Variants in HTR2C observed in about 807,000 individuals in gnomAD.
HTR2C encodes the protein 5-hydroxytryptamine (serotonin) receptor 2C, G protein-coupled.
HTR2C carries 5 observed loss-of-function variants against 21.0 expected under a neutral mutation model. The observed-to-expected ratio is 0.24, with a 90% CI of 0.12 to 0.50. The LOEUF is 0.50. Ranked by LOEUF, HTR2C falls within the 20% of genes least tolerant of loss-of-function variation. HTR2C has a pLI of 0.98. For synonymous variants in HTR2C, 150 were observed against 145.3 expected, an observed-to-expected ratio of 1.03 and a Z score of -0.23; for missense variants, 271 against 371.2, an observed-to-expected ratio of 0.73 and a Z score of 2.22.
intron 2 of HTR2C, among the ~76,000 whole-genome samples, chrX:114,614,951 A>AT (rs1458118789): frequency 8.9e-6 from 1 of 112,252 alleles, no homozygotes; most frequent in African/African-American, 3.2e-5. Context: ...ATACCACAAA[A>AT]TGTTTTTAGA....
chrX:114,772,904 C>T (rs1385078594), intron 4 of HTR2C, among the ~76,000 whole-genome samples: 2 of 111,492 alleles, frequency 1.8e-5, no homozygotes, highest in African/African-American at 3.3e-5. Flanking sequence ...GTTAAAACTA[C>T]GGGATGGTAG....
intron 1 of HTR2C, among the ~76,000 whole-genome samples, chrX:114,585,432 GAA>G (rs1301752221): frequency 9.0e-6 from 1 of 111,188 alleles, no homozygotes; most frequent in Non-Finnish European, 1.9e-5. Context: ...AAAGGATTGC[GAA>G]AAAGTCTCCA....
chrX:114,611,799 G>A (rs936763995), intron 1 of HTR2C, among the ~76,000 whole-genome samples: 20 of 111,627 alleles, frequency 1.8e-4, no homozygotes, highest in African/African-American at 6.2e-4. Flanking sequence ...CCGGGTTCAC[G>A]TCATTCTCCT....
intron 1 of HTR2C, among the ~76,000 whole-genome samples, chrX:114,611,854 C>T (rs782121290): frequency 4.5e-5 from 5 of 110,897 alleles, no homozygotes; most frequent in Admixed American, 1.9e-4. Context: ...CCCGCCACCA[C>T]GCCCGGCTAT....
intron 2 of HTR2C, among the ~76,000 whole-genome samples, chrX:114,726,198 T>G (rs1207092591): frequency 8.9e-6 from 1 of 112,471 alleles, no homozygotes; most frequent in Non-Finnish European, 1.9e-5. Context: ...CGGAACCAGG[T>G]GCAGGATATA....
At chrX:114,591,954 G>C (rs1331461374) in intron 1 of HTR2C, among the ~76,000 whole-genome samples, 4 of 111,468 alleles carry the variant, frequency 3.6e-5, no homozygotes, top group African/African-American at 1.3e-4. Flanking sequence ...GATGAATGAA[G>C]AAAAAAATGG....
chrX:114,749,471 A>G (rs993812033), intron 4 of HTR2C, among the ~76,000 whole-genome samples: 28 of 105,928 alleles, frequency 2.6e-4, no homozygotes, highest in African/African-American at 7.9e-4. Flanking sequence ...AAAAAAAAAA[A>G]AAAAAGAAAA....
chrX:114,782,948 A>G (rs1045276773), intron 4 of HTR2C, among the ~76,000 whole-genome samples: 5 of 111,214 alleles, frequency 4.5e-5, no homozygotes, highest in Non-Finnish European at 7.5e-5. Flanking sequence ...AATGTGTACA[A>G]CTTTGAAAGA....
intron 4 of HTR2C, among the ~76,000 whole-genome samples, chrX:114,787,664 T>C (rs782557935): frequency 8.9e-6 from 1 of 111,751 alleles, no homozygotes; most frequent in Non-Finnish European, 1.9e-5. Flanking sequence ...GTCTTCAAAA[T>C]AGGCCAGGCG....
intron 4 of HTR2C, among the ~76,000 whole-genome samples, chrX:114,777,683 G>A (rs1039929911): frequency 1.6e-4 from 18 of 110,805 alleles, no homozygotes; most frequent in Admixed American, 1.4e-3. Flanking sequence ...GCAGCCTCCC[G>A]AGTAGCTGGG....
chrX:114,640,870 C>CT (rs1930071949), intron 2 of HTR2C, among the ~76,000 whole-genome samples: 1 of 108,777 alleles, frequency 9.2e-6, no homozygotes, highest in South Asian at 4.0e-4. Context: ...CGTTCTCTTT[C>CT]TTTCTTTCTT....
chrX:114,829,586 T>G (rs782668099), intron 4 of HTR2C, among the ~76,000 whole-genome samples: 77 of 111,800 alleles, frequency 6.9e-4, no homozygotes, highest in Non-Finnish European at 1.3e-3. Context: ...TGTGTCCTTT[T>G]CTAAGTGTTT....
chrX:114,678,162 A>G (rs138585471), intron 2 of HTR2C, among the ~76,000 whole-genome samples: 1,255 of 110,923 alleles, frequency 0.011, 15 homozygotes, highest in African/African-American at 0.039. Context: ...GGGCAGAATG[A>G]TTCTTTCTCT....
At chrX:114,902,716 T>G (rs1556485561) in intron 5 of HTR2C, among the ~76,000 whole-genome samples, 2 of 110,404 alleles carry the variant, frequency 1.8e-5, no homozygotes, top group Non-Finnish European at 3.8e-5. Flanking sequence ...GTTCAAGCGA[T>G]TCTCCTTCCT....
intron 2 of HTR2C, among the ~76,000 whole-genome samples, chrX:114,654,112 A>G (rs1432768093): frequency 9.1e-6 from 1 of 110,124 alleles, no homozygotes; most frequent in African/African-American, 3.3e-5. Context: ...GATCCAACTT[A>G]TGATAAATGA....
intron 2 of HTR2C, among the ~76,000 whole-genome samples, chrX:114,662,119 C>T (rs1385879480): frequency 9.0e-6 from 1 of 111,408 alleles, no homozygotes; most frequent in African/African-American, 3.3e-5. Context: ...TTTCAATATT[C>T]GGTAGGAATA....
intron 5 of HTR2C, among the ~76,000 whole-genome samples, chrX:114,881,134 T>C (rs1212288002): frequency 4.5e-5 from 5 of 111,006 alleles, no homozygotes; most frequent in Non-Finnish European, 9.5e-5. Context: ...TATTTTCACA[T>C]ACATATAGGC....
At chrX:114,610,431 T>C (rs1472951538) in intron 1 of HTR2C, among the ~76,000 whole-genome samples, 1 of 112,232 alleles carries the variant, frequency 8.9e-6, no homozygotes, top group East Asian at 2.8e-4. Context: ...CAGGGTGGGC[T>C]GAAAACAAAA....
At chrX:114,631,358 C>T (rs1929620796) in intron 2 of HTR2C, among the ~76,000 whole-genome samples, 1 of 110,475 alleles carries the variant, frequency 9.1e-6, no homozygotes, top group East Asian at 2.9e-4. Flanking sequence ...AGAAGATACT[C>T]AGTAAATATT....
Sources: allele counts gnomAD v4.1 joint callset (sites outside exome capture counted in the v4.1 genomes callset), GRCh38; gene constraint gnomAD v4.1.1; transcripts MANE v1.5; gene names NCBI Gene and HGNC (gene_info 2026-07-23, HGNC 2026-07-21).